Variants in NCAM2 observed in about 807,000 individuals in gnomAD.
The protein encoded by NCAM2 is N-CAM-2.
In NCAM2, 30 loss-of-function variants were observed where a neutral mutation model predicts 98.1. The observed-to-expected ratio is 0.31, with a 90% CI of 0.23 to 0.41. The LOEUF (loss-of-function observed/expected upper bound fraction) is 0.41, where lower values mean the gene tolerates loss of function less well. NCAM2 is among the 10% of genes least tolerant of loss of function. The pLI is 1.00. For synonymous variants in NCAM2, 368 were observed against 342.4 expected, an observed-to-expected ratio of 1.07 and a Z score of -0.83; for missense variants, 867 against 1,005.8, an observed-to-expected ratio of 0.86 and a Z score of 1.87.
chr21:21,468,732 A>G lies in NCAM2; in HGVS notation c.1845A>G (p.Lys615=). The change falls in exon 14 of 18, where the codon AAA becomes AAG. Residue 615 remains lysine, a synonymous_variant. Transcript: ENST00000400546. ...AGAGCTTTAAACTCAGCATCACCAA[A>G]CAGGACGATGGAGGGGCCCCTATTT... ...SGKSFKLSIT[K]QDDGGAPILE... is the part of the protein sequence containing the mutation. 6.2e-7 allele frequency: 1 copy of G among 1,612,140 alleles called. No homozygotes were observed. The highest frequency in any genetic ancestry group is 8.5e-7 in the Non-Finnish European group (1 of 1,178,770).
At position 21,173,349 on chromosome 21, in the gene NCAM2, C is replaced by T. The variant is rs541192288; in HGVS notation, c.56-107229C>T. Among the ~76,000 whole-genome samples, 3 of 152,272 alleles carry T rather than the reference C, an allele frequency of 2.0e-5. No individual in the cohort carries two copies. In the East Asian group the frequency reaches 5.8e-4, roughly 29 times the overall value. ...ATTATACTTCAGAGCAGTTGCATTT[C>T]AGAGTAATACAGACTTGCTTAGAGG... On this transcript the variant is annotated intron_variant, in intron 1 of 17. Transcript: ENST00000400546.
rs186508514 is a variant in NCAM2, at chr21:21,055,819, G to A, written c.55+57201G>A. Among the ~76,000 whole-genome samples the A allele has an allele frequency of 1.3e-3, 196 of 152,128 alleles. 4 individuals are homozygous for A. The highest frequency in any genetic ancestry group is 0.011 in the Admixed American group (173 of 15,268). On this transcript the variant is annotated intron_variant, in intron 1 of 17. Transcript: ENST00000400546. Reference sequence around the variant, plus strand: ...AATCAGTAATAATCGAGCCTAACTCGTAGATTTGATGTGTGAAGTGAAAGA... The same window carrying A: ...AATCAGTAATAATCGAGCCTAACTCATAGATTTGATGTGTGAAGTGAAAGA...
At chr21:21,376,466 A>T (rs528650621) in intron 9 of NCAM2, among the ~76,000 whole-genome samples, 1 of 151,830 alleles carries the variant, frequency 6.6e-6, no homozygotes, top group Non-Finnish European at 1.5e-5. Context: ...AAACCGCAGC[A>T]TGTATTCAGA....
At chr21:21,523,093 T>A (rs1040457238) in intron 16 of NCAM2, among the ~76,000 whole-genome samples, 6 of 152,262 alleles carry the variant, frequency 3.9e-5, no homozygotes, top group African/African-American at 1.4e-4. Flanking sequence ...TATTAATTCC[T>A]TGTTAATTGA....
intron 1 of NCAM2, among the ~76,000 whole-genome samples, chr21:21,064,098 G>C (rs2146338357): frequency 6.6e-6 from 1 of 152,296 alleles, no homozygotes; most frequent in East Asian, 1.9e-4. Flanking sequence ...AAGGCCCTGA[G>C]TTGTGAGATT....
In NCAM2 at chr21:21,072,945, C is replaced by T. The variant is rs374177776; in HGVS notation, c.55+74327C>T. 9.2e-5 allele frequency among the ~76,000 whole-genome samples: 14 copies of T among 152,164 alleles called. No homozygotes were observed. The East Asian group carries it at 1.9e-3, about 21-fold the overall frequency. On this transcript the variant is annotated intron_variant, in intron 1 of 17. Transcript: ENST00000400546. ...TCCAGAACTGTTTCAACTTCTCAAA[C>T]TGAAACTTCATACCCATTAAGCAAT...
chr21:21,449,914 A>T lies in NCAM2; in HGVS notation c.1655-16692A>T, dbSNP rs934764209. Among the ~76,000 whole-genome samples, 7 of 151,812 alleles carry T rather than the reference A, an allele frequency of 4.6e-5. No individual in the cohort carries two copies. In the South Asian group the frequency reaches 6.2e-4, roughly 14 times the overall value. On this transcript the variant is annotated intron_variant, in intron 12 of 17. Coordinates refer to ENST00000400546, the MANE Select transcript of NCAM2 (RefSeq NM_004540.5). ...ATAGATTATGGAGATAATATTATTA[A>T]TTTTTCTTATTTTTAGCATCTTGTA...
chr21:21,300,069 A>C (rs919099997), intron 5 of NCAM2, among the ~76,000 whole-genome samples: 4 of 151,984 alleles, frequency 2.6e-5, no homozygotes, highest in African/African-American at 9.7e-5. Flanking sequence ...TGATTTTTAA[A>C]AATATTTTTG....
chr21:21,048,061 G>A (rs2065034524), intron 1 of NCAM2, among the ~76,000 whole-genome samples: 1 of 152,050 alleles, frequency 6.6e-6, no homozygotes, highest in Non-Finnish European at 1.5e-5. Context: ...TTTCCCCTTT[G>A]TTTTCCTTCT....
At chr21:21,318,973 T>A (rs2074297017) in intron 5 of NCAM2, among the ~76,000 whole-genome samples, 1 of 152,142 alleles carries the variant, frequency 6.6e-6, no homozygotes, top group African/African-American at 2.4e-5. Flanking sequence ...AATATTTGCA[T>A]AAATAAATGC....
chr21:21,202,408 CTTTT>C (rs11385750), intron 1 of NCAM2, among the ~76,000 whole-genome samples: 10 of 80,196 alleles, frequency 1.2e-4, no homozygotes, highest in African/African-American at 3.1e-4. Flanking sequence ...AGCAAATATC[CTTTT>C]TTTTTTTTTT....
intron 9 of NCAM2, among the ~76,000 whole-genome samples, chr21:21,393,185 C>T (rs1390674836): frequency 6.6e-6 from 1 of 152,092 alleles, no homozygotes. Flanking sequence ...TATCCCAGCA[C>T]CATTTATTGA....
chr21:21,446,541 T>A (rs190444307), intron 12 of NCAM2, among the ~76,000 whole-genome samples: 11 of 152,232 alleles, frequency 7.2e-5, no homozygotes, highest in African/African-American at 2.4e-4. Flanking sequence ...GTATTGGAAG[T>A]TCAGGCCTGT....
intron 1 of NCAM2, among the ~76,000 whole-genome samples, chr21:21,027,439 G>A (rs1035283274): frequency 6.6e-6 from 1 of 152,156 alleles, no homozygotes; most frequent in Non-Finnish European, 1.5e-5. Context: ...AGTTACTTAT[G>A]CAGATTGTTC....
intron 5 of NCAM2, among the ~76,000 whole-genome samples, chr21:21,308,253 T>C (rs1269647760): frequency 1.3e-5 from 2 of 152,194 alleles, no homozygotes; most frequent in African/African-American, 2.4e-5. Context: ...TTCTATCTGG[T>C]ATAAGTTCCC....
rs1990198120 is a variant in NCAM2 at position 21,540,690 on chromosome 21, A to G, written c.*2733A>G. The G allele has an allele frequency of 1.3e-5, 2 of 152,154 alleles. No homozygotes were observed. Among genetic ancestry groups the G allele is most frequent in the African/African-American group, 4.8e-5 (2 of 41,558 alleles). 9.4% of individuals were successfully genotyped at this position (152,154 alleles called of 1,614,324 possible). A position where few individuals can be genotyped will look rare whatever the true frequency, so the allele number is the denominator to read the frequency against. Reference sequence around the variant, plus strand: ...AATATTAGTATAAAGTGTCAAAAGAATTGACTGAATATAAGTACTGTTAAA... The same window carrying G: ...AATATTAGTATAAAGTGTCAAAAGAGTTGACTGAATATAAGTACTGTTAAA... On this transcript the variant is annotated 3_prime_UTR_variant, in exon 18 of 18. Transcript: ENST00000400546.
chr21:21,171,371 A>G (rs1662160307), intron 1 of NCAM2, among the ~76,000 whole-genome samples: 1 of 152,224 alleles, frequency 6.6e-6, no homozygotes, highest in African/African-American at 2.4e-5. Flanking sequence ...ATTTGCATGA[A>G]TAATGTTATT....
intron 1 of NCAM2, among the ~76,000 whole-genome samples, chr21:21,050,479 C>G (rs2065085762): frequency 6.6e-6 from 1 of 152,100 alleles, no homozygotes; most frequent in African/African-American, 2.4e-5. Flanking sequence ...CCTTGTTGAC[C>G]CATTTTTTTT....
chr21:21,104,202 A>G lies in NCAM2; in HGVS notation c.55+105584A>G, dbSNP rs145000171. On this transcript the variant is annotated intron_variant, in intron 1 of 17. Coordinates refer to ENST00000400546, the MANE Select transcript of NCAM2 (RefSeq NM_004540.5). ...ATTTATGACATGTTATCTTTTCAGT[A>G]AATGTTGTCCTCCCTTCTCCTCCTC... Among the ~76,000 whole-genome samples, 612 of 152,260 alleles carry G rather than the reference A, an allele frequency of 4.0e-3. 2 individuals carry two copies. Among genetic ancestry groups the G allele is most frequent in the African/African-American group, 0.014 (595 of 41,560 alleles).
Sources: gnomAD v4.1 joint callset for allele counts (sites outside exome capture counted in the v4.1 genomes callset) on GRCh38, gnomAD v4.1.1 for gene constraint, MANE v1.5 for transcripts, NCBI Gene and HGNC (gene_info 2026-07-23, HGNC 2026-07-21) for gene names.